SLC25A26: variants seen among roughly 807,000 people sequenced by gnomAD.
SLC25A26 encodes mitochondrial S-adenosylmethionine carrier protein.
In SLC25A26, 36 loss-of-function variants were observed where a neutral mutation model predicts 37.8. The ratio of observed to expected loss-of-function variants is 0.95; its 90% CI spans 0.73 to 1.26. The LOEUF (loss-of-function observed/expected upper bound fraction) is 1.26, where lower values mean the gene tolerates loss of function less well. Among genes scored for constraint, SLC25A26 ranks in the 50% most tolerant of loss-of-function variants. The pLI is 0.00. For missense variants in SLC25A26, 390 were observed against 331.1 expected (o/e 1.18, Z -1.38); for synonymous variants, 129 against 122.5 (o/e 1.05, Z -0.35).
At chr3:66,297,294 C>T (rs528768712) in intron 5 of SLC25A26, among the ~76,000 whole-genome samples, 3 of 148,472 alleles carry the variant, frequency 2.0e-5, no homozygotes, top group Admixed American at 6.8e-5. Context: ...TGCCATTGCC[C>T]TCCAGCCTGG....
At chr3:66,331,485 CTTTAT>C (rs1364109812) in intron 5 of SLC25A26, among the ~76,000 whole-genome samples, 1 of 151,060 alleles carries the variant, frequency 6.6e-6, no homozygotes, top group African/African-American at 2.4e-5. Flanking sequence ...TCCAAGACTT[CTTTAT>C]TTTGTTTTAT....
intron 1 of SLC25A26, among the ~76,000 whole-genome samples, chr3:66,191,628 G>A (rs1408458324): frequency 5.9e-5 from 9 of 152,196 alleles, no homozygotes; most frequent in African/African-American, 2.2e-4. Flanking sequence ...AGTACCTCAT[G>A]CCTGTAATCC....
In SLC25A26 at chr3:66,341,055, CTTTTATAT is replaced by C. The variant is rs1309816074; in HGVS notation, c.454-5302_454-5295del. 5.3e-5 allele frequency among the ~76,000 whole-genome samples: 8 copies of C among 151,986 alleles called. No homozygotes were observed. The East Asian group carries it at 1.5e-3, about 29-fold the overall frequency. On this transcript the variant is annotated intron_variant, in intron 5 of 9. Transcript: ENST00000354883. ...TCTTTTCAGTCTTTGCTTTTTATTT[CTTTTATAT>C]TTTTATTTGTTTTTCTTGCCTGATT...
intron 3 of SLC25A26, among the ~76,000 whole-genome samples, chr3:66,252,245 T>G (rs2107198507): frequency 6.6e-6 from 1 of 152,378 alleles, no homozygotes; most frequent in East Asian, 1.9e-4. Context: ...CAACTGTCAC[T>G]TATTTGCTTT....
chr3:66,217,422 C>A (rs1019210018), upstream of SLC25A26, among the ~76,000 whole-genome samples: 2 of 152,082 alleles, frequency 1.3e-5, no homozygotes, highest in Admixed American at 6.6e-5. Context: ...TAGGAAAATA[C>A]GGAATAAACC....
intron 9 of SLC25A26, among the ~76,000 whole-genome samples, chr3:66,375,831 C>T (rs541811194): frequency 1.3e-5 from 2 of 151,978 alleles, no homozygotes; most frequent in African/African-American, 4.8e-5. Context: ...GTTACTTTAA[C>T]TTTCAGGTTT....
intron 5 of SLC25A26, among the ~76,000 whole-genome samples, chr3:66,322,667 G>A (rs574060134): frequency 6.6e-6 from 1 of 152,282 alleles, no homozygotes; most frequent in East Asian, 1.9e-4. Flanking sequence ...ACAAGCATGG[G>A]CAAATGAATG....
intron 1 of SLC25A26, among the ~76,000 whole-genome samples, chr3:66,143,269 T>G (rs531471202): frequency 1.3e-5 from 2 of 152,366 alleles, no homozygotes; most frequent in East Asian, 1.9e-4. Context: ...TTCTACCTTT[T>G]GGCTATCGTG....
At chr3:66,227,005 G>T (rs1236870896) in intron 1 of SLC25A26, among the ~76,000 whole-genome samples, 1 of 152,174 alleles carries the variant, frequency 6.6e-6, no homozygotes, top group Non-Finnish European at 1.5e-5. Flanking sequence ...ACATTTGCTT[G>T]TGTTCTCATT....
chr3:66,167,210 C>G (rs138063268), intron 1 of SLC25A26, among the ~76,000 whole-genome samples: 1 of 152,282 alleles, frequency 6.6e-6, no homozygotes, highest in Non-Finnish European at 1.5e-5. Flanking sequence ...GAGATTGGTT[C>G]GAGGAAAGGG....
At chr3:66,136,136 C>G (rs1271356153) in intron 1 of SLC25A26, among the ~76,000 whole-genome samples, 1 of 152,188 alleles carries the variant, frequency 6.6e-6, no homozygotes, top group Non-Finnish European at 1.5e-5. Flanking sequence ...TGATTTTCCT[C>G]TCTTATTGTG....
chr3:66,153,201 TG>T (rs2070231182), intron 1 of SLC25A26, among the ~76,000 whole-genome samples: 1 of 152,198 alleles, frequency 6.6e-6, no homozygotes. Flanking sequence ...TCTAGTGGAA[TG>T]GTGCTAAACA....
intron 5 of SLC25A26, among the ~76,000 whole-genome samples, chr3:66,311,876 A>G (rs945575328): frequency 6.6e-6 from 1 of 152,084 alleles, no homozygotes; most frequent in Admixed American, 6.6e-5. Context: ...TTTGTCCCAG[A>G]GGGGCACATA....
At chr3:66,225,235 C>T (rs1396136611) in intron 1 of SLC25A26, among the ~76,000 whole-genome samples, 5 of 152,190 alleles carry the variant, frequency 3.3e-5, no homozygotes, top group Non-Finnish European at 2.9e-5. Flanking sequence ...CAGCACACCT[C>T]GGCCTGGACA....
At chr3:66,162,880 A>T (rs973508465) in intron 1 of SLC25A26, among the ~76,000 whole-genome samples, 2 of 152,236 alleles carry the variant, frequency 1.3e-5, no homozygotes, top group Admixed American at 1.3e-4. Flanking sequence ...AATTAACTCC[A>T]GTTCACAGCT....
intron 5 of SLC25A26, among the ~76,000 whole-genome samples, chr3:66,340,297 G>T (rs566026247): frequency 5.8e-4 from 88 of 152,094 alleles, no homozygotes; most frequent in African/African-American, 2.1e-3. Flanking sequence ...TTTCATTGGG[G>T]TACCTTGAGG....
At chr3:66,205,997 T>G (rs963700472) in intron 1 of SLC25A26, among the ~76,000 whole-genome samples, 2 of 152,180 alleles carry the variant, frequency 1.3e-5, no homozygotes, top group Non-Finnish European at 2.9e-5. Flanking sequence ...TGTAAGCAAC[T>G]ATGTCTCAAT....
intron 3 of SLC25A26, among the ~76,000 whole-genome samples, chr3:66,244,535 C>G (rs2072734954): frequency 6.6e-6 from 1 of 152,180 alleles, no homozygotes; most frequent in Non-Finnish European, 1.5e-5. Flanking sequence ...ATAATTGGAA[C>G]TTAATAACAA....
Position 66,262,094 on chromosome 3 carries a change from G to C in SLC25A26, c.344G>C (p.Arg115Thr). The change falls in exon 4 of 10, where the codon AGG (arginine) becomes ACG (threonine). Residue 115 changes from arginine to threonine, a missense_variant. Coordinates refer to ENST00000354883, the MANE Select transcript of SLC25A26 (RefSeq NM_001379210.1). ...GTTCCATCTGAAGTGGTTAAGCAGAGGGCACAGGTATCTGCTTCTACAAGA... is the reference window on the plus strand; with the variant it reads ...GTTCCATCTGAAGTGGTTAAGCAGACGGCACAGGTATCTGCTTCTACAAGA... ...IRVPSEVVKQ[R>T]AQVSASTRTF... 1 of 1,590,802 alleles carries C rather than the reference G, an allele frequency of 6.3e-7. No homozygotes were observed. The highest frequency in any genetic ancestry group is 8.6e-7 in the Non-Finnish European group (1 of 1,167,724).
Sources: allele counts gnomAD v4.1 joint callset (sites outside exome capture counted in the v4.1 genomes callset), GRCh38; gene constraint gnomAD v4.1.1; transcripts MANE v1.5; gene names NCBI Gene and HGNC (gene_info 2026-07-23, HGNC 2026-07-21).